Variants in NKX2-2 observed in about 807,000 individuals in gnomAD.
NKX2-2 encodes the protein homeobox protein Nkx-2.2.
NKX2-2 carries 8 observed loss-of-function variants against 24.6 expected under a neutral mutation model. The ratio of observed to expected loss-of-function variants is 0.32; its 90% CI spans 0.19 to 0.59. The LOEUF (loss-of-function observed/expected upper bound fraction) is 0.59. NKX2-2 is among the 20% of genes least tolerant of loss of function. The probability of loss-of-function intolerance (pLI) is 0.86; values close to 1 mark genes in which losing one functional copy is unlikely to be tolerated. For synonymous variants in NKX2-2, 217 were observed against 173.3 expected (o/e 1.25, Z -1.98); for missense variants, 381 against 373.9 (o/e 1.02, Z -0.16).
At position 21,511,820 on chromosome 20, in the gene NKX2-2, T is replaced by TAATA. The variant is rs1568636382; in HGVS notation, c.*102_*103insTATT. 2.4e-6 allele frequency: 2 copies of TAATA among 828,354 alleles called. No homozygotes were observed. Among genetic ancestry groups the TAATA allele is most frequent in the African/African-American group, 3.5e-5 (2 of 57,020 alleles). 51.3% of individuals were successfully genotyped at this position (828,354 alleles called of 1,614,324 possible). A position where few individuals can be genotyped will look rare whatever the true frequency, so the allele number is the denominator to read the frequency against. On this transcript the variant is annotated 3_prime_UTR_variant, in exon 2 of 2. Transcript: ENST00000377142. ...GTCAACTCGACTCCATAATAATAAT[T>TAATA]ATAATAATAATAATAACCACCATAA... is the stretch of plus-strand genomic sequence containing the variant.
the NKX2-2 span, among the ~76,000 whole-genome samples, chr20:21,521,957 G>C: frequency 2.6e-5 from 4 of 152,218 alleles, 1 homozygote; most frequent in South Asian, 8.3e-4. Context: ...GACCGCAGGC[G>C]GGGACCGCCG....
upstream of NKX2-2, among the ~76,000 whole-genome samples, chr20:21,515,178 G>T (rs932026851): frequency 6.6e-6 from 1 of 151,726 alleles, no homozygotes; most frequent in African/African-American, 2.4e-5. Flanking sequence ...GCTCTTTCCT[G>T]CCCTCTATTA....
upstream of NKX2-2, among the ~76,000 whole-genome samples, chr20:21,517,957 A>C (rs1980683376): frequency 2.0e-5 from 3 of 152,038 alleles, no homozygotes; most frequent in African/African-American, 7.2e-5. Flanking sequence ...GTCTGCCTGC[A>C]CCAGTTTCAG....
In NKX2-2 at chr20:21,511,550, C is replaced by CAAAAAAAAAAA. The variant is rs1980428668; in HGVS notation, c.*372_*373insTTTTTTTTTTT. ...ACACAAACATATTTTACAAAATGCACGAAAGCAGGGGTGGGGGGTCGGTCT... is the reference window on the plus strand; with the variant it reads ...ACACAAACATATTTTACAAAATGCACAAAAAAAAAAAGAAAGCAGGGGTGGGGGGTCGGTCT... On this transcript the variant is annotated 3_prime_UTR_variant, in exon 2 of 2. Transcript: ENST00000377142. The CAAAAAAAAAAA allele has an allele frequency of 5.3e-6, 1 of 189,558 alleles. No homozygotes were observed. Among genetic ancestry groups the CAAAAAAAAAAA allele is most frequent in the Non-Finnish European group, 1.1e-5 (1 of 93,620 alleles). The allele number at this position is 189,558 out of a possible 1,614,324, so 11.7% of individuals were successfully genotyped here. A position where few individuals can be genotyped will look rare whatever the true frequency, so the allele number is the denominator to read the frequency against.
the NKX2-2 span, among the ~76,000 whole-genome samples, chr20:21,520,640 T>TA: frequency 6.6e-6 from 1 of 152,180 alleles, no homozygotes; most frequent in South Asian, 2.1e-4. Flanking sequence ...ATATTTTCTT[T>TA]AAAAACCTAG....
At position 21,513,770 on chromosome 20, in the gene NKX2-2, G is replaced by C. The variant is rs1980530328; in HGVS notation, c.-101C>G. ...GGGCGGGGGAGGGGGGAGTTGGGGG[G>C]AGGGACTGGGGGAGGGGAGGGGGGA... is the stretch of plus-strand genomic sequence containing the variant. On this transcript the variant is annotated 5_prime_UTR_variant, in exon 1 of 2. Transcript: ENST00000377142. This position sits in a 1 kb window ranked among gnomAD's most constrained non-coding sequence, Gnocchi z 4.6. 2.4e-6 allele frequency: 1 copy of C among 421,638 alleles called. No individual in the cohort carries two copies. The highest frequency in any genetic ancestry group is 7.1e-5 in the East Asian group (1 of 14,054). 26.1% of individuals were successfully genotyped at this position (421,638 alleles called of 1,614,324 possible).
chr20:21,516,264 TC>T (rs1980634937), upstream of NKX2-2, among the ~76,000 whole-genome samples: 3 of 152,226 alleles, frequency 2.0e-5, no homozygotes, highest in South Asian at 6.2e-4. Context: ...ATGTCGACGC[TC>T]CCCGATTCCT....
upstream of NKX2-2, among the ~76,000 whole-genome samples, chr20:21,516,522 G>C (rs569039394): frequency 6.6e-6 from 1 of 151,942 alleles, no homozygotes; most frequent in Non-Finnish European, 1.5e-5. Flanking sequence ...TCGGGGAAGC[G>C]TCGAGTTTGG....
upstream of NKX2-2, among the ~76,000 whole-genome samples, chr20:21,514,411 T>A (rs1006334171): frequency 6.8e-5 from 10 of 146,194 alleles, no homozygotes; most frequent in Non-Finnish European, 8.9e-5. Flanking sequence ...TTTTTTTTTT[T>A]AAACCCAGTA....
chr20:21,511,645 G>A lies in NKX2-2; in HGVS notation c.*278C>T, dbSNP rs1347011247. 1.6e-5 allele frequency: 5 copies of A among 319,692 alleles called. No individual in the cohort carries two copies. The highest frequency in any genetic ancestry group is 2.8e-5 in the Non-Finnish European group (5 of 178,306). The allele number at this position is 319,692 out of a possible 1,614,324, so 19.8% of individuals were successfully genotyped here. A position where few individuals can be genotyped will look rare whatever the true frequency, so the allele number is the denominator to read the frequency against. ...TCCCCCCGGGGAGAGGCAAAGAAGC[G>A]AAGCTGCGCAAACATTCTGTAAACA... On this transcript the variant is annotated 3_prime_UTR_variant, in exon 2 of 2. Coordinates refer to ENST00000377142, the MANE Select transcript of NKX2-2 (RefSeq NM_002509.4).
upstream of NKX2-2, among the ~76,000 whole-genome samples, chr20:21,517,097 G>T (rs1980659387): frequency 6.6e-6 from 1 of 152,184 alleles, no homozygotes; most frequent in African/African-American, 2.4e-5. Flanking sequence ...TGCTGCCATA[G>T]GCGCCTAGAG....
In NKX2-2 at chr20:21,511,940, GGGCCT is replaced by G. The variant is rs1343690535; in HGVS notation, c.800_804del (p.Gln267ProfsTer41). The stretch of plus-strand genomic sequence containing the variant: ...GGCGGCGCTCACCAAGTCCACTGCT[GGGCCT>G]GGACCAGGGGGTGTGCTGTCGGGTA... On this transcript the variant is annotated frameshift_variant, in exon 2 of 2. Coordinates refer to ENST00000377142, the MANE Select transcript of NKX2-2 (RefSeq NM_002509.4). LOFTEE classifies it high-confidence loss of function. The G allele has an allele frequency of 6.3e-7, 1 of 1,592,860 alleles. No homozygotes were observed. The highest frequency in any genetic ancestry group is 2.2e-5 in the East Asian group (1 of 44,568).
the NKX2-2 span, among the ~76,000 whole-genome samples, chr20:21,520,353 T>C: frequency 6.6e-6 from 1 of 152,164 alleles, no homozygotes; most frequent in South Asian, 2.1e-4. Flanking sequence ...CTTTCCCAAT[T>C]ATCTGCCTCC....
In NKX2-2 at chr20:21,513,488, A is replaced by G. The variant is rs749003972; in HGVS notation, c.182T>C (p.Leu61Pro). The change falls in exon 1 of 2, where the codon CTG (leucine) becomes CCG (proline). Residue 61 changes from leucine to proline, a missense_variant. Leu to Pro is a moderately conservative substitution (Grantham distance 98). This residue lies in a region of NKX2-2 where 206 missense variants were observed against 173.1 expected (regional missense o/e 1.19). Transcript: ENST00000377142. This position sits in a 1 kb window ranked among gnomAD's most constrained non-coding sequence, Gnocchi z 4.6. The stretch of plus-strand genomic sequence containing the variant: ...GCTGCTGTCGTAGAAGGGGTTCTTC[A>G]GGGGCAGGCTCTGCACCGCGTCCAG... ...GALDAVQSLPLKNPFYDSSDN... is the reference protein window; with the variant it reads ...GALDAVQSLPPKNPFYDSSDN... 6.2e-7 allele frequency: 1 copy of G among 1,611,144 alleles called. No homozygotes were observed. The highest frequency in any genetic ancestry group is 1.1e-5 in the South Asian group (1 of 90,406).
At chr20:21,521,355 C>A in the NKX2-2 span, among the ~76,000 whole-genome samples, 3 of 152,136 alleles carry the variant, frequency 2.0e-5, no homozygotes, top group African/African-American at 7.2e-5. Context: ...ACAAGGACCC[C>A]ACCGAGGTTC....
At chr20:21,517,941 G>C (rs1980682857), upstream of NKX2-2, among the ~76,000 whole-genome samples, 3 of 152,114 alleles carry the variant, frequency 2.0e-5, no homozygotes, top group African/African-American at 4.8e-5. Flanking sequence ...CTCCCACCCT[G>C]TCAGCGTCTG....
In NKX2-2 at chr20:21,512,051, T is replaced by A; in HGVS notation, c.694A>T (p.Ile232Phe). 1 of 1,613,748 alleles carries A rather than the reference T, an allele frequency of 6.2e-7. No homozygotes were observed. Among genetic ancestry groups the A allele is most frequent in the Non-Finnish European group, 8.5e-7 (1 of 1,179,944 alleles). Reference protein sequence around the residue: ...DLAAATFQAGIPFSAYSAQSL... With the variant: ...DLAAATFQAGFPFSAYSAQSL... ...TGCGCGCTGTAGGCAGAAAAGGGAA[T>A]GCCCGCCTGGAAGGTGGCGGCTGCC... The change falls in exon 2 of 2, where the codon ATT becomes TTT. Residue 232 changes from isoleucine (I) to phenylalanine (F), a missense_variant. Ile to Phe is a conservative substitution (Grantham distance 21). Coordinates refer to ENST00000377142, the MANE Select transcript of NKX2-2 (RefSeq NM_002509.4).
At chr20:21,512,577 C>A in intron 1 of NKX2-2, 92 bp from the exon 2 acceptor site, 2 of 986,178 alleles carry the variant, frequency 2.0e-6, no homozygotes, top group Non-Finnish European at 2.9e-6. Context: ...CTCCGTGCGA[C>A]CCTGGACCTC....
Position 21,513,347 on chromosome 20 carries a change from A to T in NKX2-2, c.259+64T>A, listed in dbSNP as rs1568637527. Reference sequence around the variant, plus strand: ...CTTCCCCTTTCACTCCCAGCGTCCAACCCGGGCTGCGGCTGCAGGAATGGA... The same window carrying T: ...CTTCCCCTTTCACTCCCAGCGTCCATCCCGGGCTGCGGCTGCAGGAATGGA... On this transcript the variant is annotated intron_variant, in intron 1 of 1. Coordinates refer to ENST00000377142, the MANE Select transcript of NKX2-2 (RefSeq NM_002509.4). This position sits in a 1 kb window ranked among gnomAD's most constrained non-coding sequence, Gnocchi z 4.6. 20 of 1,472,120 alleles carry T rather than the reference A, an allele frequency of 1.4e-5. No individual in the cohort carries two copies. Among genetic ancestry groups the T allele is most frequent in the Non-Finnish European group, 1.5e-5 (17 of 1,109,564 alleles). 91.2% of individuals were successfully genotyped at this position (1,472,120 alleles called of 1,614,324 possible). A position where few individuals can be genotyped will look rare whatever the true frequency, so the allele number is the denominator to read the frequency against.
Sources: allele counts gnomAD v4.1 joint callset (sites outside exome capture counted in the v4.1 genomes callset), GRCh38; gene constraint gnomAD v4.1.1; regional missense constraint gnomAD v4.1.1; non-coding constraint Gnocchi (gnomAD v3.1); transcripts MANE v1.5; gene names NCBI Gene and HGNC (gene_info 2026-07-23, HGNC 2026-07-21).